Variants in NBAS observed in about 807,000 individuals in gnomAD.
NBAS encodes the protein NAG/BC035112 fusion.
Under a neutral mutation model 302.5 loss-of-function variants are expected in NBAS, and 219 were observed. That is an observed-to-expected ratio of 0.72 (90% CI 0.65 to 0.81). The LOEUF is 0.81. Ranked by LOEUF, NBAS falls within the 30% of genes least tolerant of loss-of-function variation. The pLI is 0.00. For missense variants in NBAS, 2,932 were observed against 2,841.6 expected (o/e 1.03, Z -0.72); for synonymous variants, 1,118 against 1,021.6 (o/e 1.09, Z -1.80).
At chr2:14,988,044 C>T in the NBAS span, among the ~76,000 whole-genome samples, 1 of 152,116 alleles carries the variant, frequency 6.6e-6, no homozygotes, top group Non-Finnish European at 1.5e-5. Context: ...TTTGTCCAGC[C>T]TTGTCTACTA....
chr2:14,972,974 G>A, the NBAS span, among the ~76,000 whole-genome samples: 2 of 152,162 alleles, frequency 1.3e-5, no homozygotes, highest in Non-Finnish European at 2.9e-5. Flanking sequence ...ATGGAGAAAG[G>A]CCACTGTGTC....
At chr2:14,953,450 C>T in the NBAS span, among the ~76,000 whole-genome samples, 1 of 152,344 alleles carries the variant, frequency 6.6e-6, no homozygotes, top group African/African-American at 2.4e-5. Context: ...GTCTCAGCAG[C>T]AGTCTTCACA....
chr2:15,436,922 T>C (rs1395423349), intron 21 of NBAS, among the ~76,000 whole-genome samples: 1 of 152,160 alleles, frequency 6.6e-6, no homozygotes, highest in Non-Finnish European at 1.5e-5. Flanking sequence ...GACAGGAGGA[T>C]GGACAGACTG....
chr2:15,046,760 G>T, the NBAS span, among the ~76,000 whole-genome samples: 1 of 152,146 alleles, frequency 6.6e-6, no homozygotes, highest in Non-Finnish European at 1.5e-5. Context: ...TCTGGAACCT[G>T]GTGAATGGGC....
At chr2:14,907,195 C>A in the NBAS span, among the ~76,000 whole-genome samples, 2 of 152,324 alleles carry the variant, frequency 1.3e-5, no homozygotes, top group East Asian at 3.9e-4. Context: ...TCTAGTTGGG[C>A]CAGCCTCCTG....
chr2:15,486,430 C>T (rs1308250518), intron 12 of NBAS, among the ~76,000 whole-genome samples: 1 of 152,142 alleles, frequency 6.6e-6, no homozygotes, highest in African/African-American at 2.4e-5. Flanking sequence ...GTCAAAAGCT[C>T]TATCTGAGGA....
the NBAS span, among the ~76,000 whole-genome samples, chr2:14,973,113 C>A: frequency 1.3e-5 from 2 of 152,140 alleles, no homozygotes; most frequent in African/African-American, 4.8e-5. Flanking sequence ...TGACTGATCG[C>A]AACATAAAGG....
At chr2:15,483,718 G>A (rs1241021631) in intron 12 of NBAS, among the ~76,000 whole-genome samples, 1 of 152,124 alleles carries the variant, frequency 6.6e-6, no homozygotes. Context: ...AGGTTTTACA[G>A]AGAAAATACT....
chr2:15,467,615 ATTAG>A (rs1460078137), intron 18 of NBAS, 45 bp downstream of exon 18: 17 of 1,547,912 alleles, frequency 1.1e-5, no homozygotes, highest in African/African-American at 8.2e-5. Flanking sequence ...CACTGAAATG[ATTAG>A]TTATTTTAAA....
the NBAS span, among the ~76,000 whole-genome samples, chr2:14,844,801 G>C: frequency 3.3e-5 from 5 of 152,164 alleles, no homozygotes; most frequent in Non-Finnish European, 7.3e-5. Flanking sequence ...GGGGGCCATA[G>C]GATGAGGCTT....
At chr2:15,256,460 G>A (rs1668598193) in intron 44 of NBAS, among the ~76,000 whole-genome samples, 1 of 152,094 alleles carries the variant, frequency 6.6e-6, no homozygotes, top group Admixed American at 6.5e-5. Flanking sequence ...AGTCGTTAGG[G>A]TTTTCAAGGT....
chr2:15,439,495 T>C (rs959656138), intron 21 of NBAS, among the ~76,000 whole-genome samples: 3 of 149,734 alleles, frequency 2.0e-5, no homozygotes, highest in Admixed American at 2.0e-4. Context: ...AAAAAAAAAA[T>C]CTTGAGGGGA....
rs771850798 is a variant in NBAS at position 15,276,981 on chromosome 2, G to C, written c.5259C>G (p.Gly1753=). ...MVKYIYPTIG[G]FDHERLQYYF... ...AATACTGCAGCCTTTCGTGATCAAA[G>C]CCACCAATAGTAGGGTAAATATACT... The change falls in exon 43 of 52, where the codon GGC becomes GGG. Residue 1753 remains glycine (G), a synonymous_variant. Coordinates refer to ENST00000281513, the MANE Select transcript of NBAS (RefSeq NM_015909.4). 1 of 1,613,998 alleles carries C rather than the reference G, an allele frequency of 6.2e-7. No homozygotes were observed. The highest frequency in any genetic ancestry group is 1.1e-5 in the South Asian group (1 of 91,074).
At chr2:15,194,621 A>G (rs1370403686) in intron 48 of NBAS, among the ~76,000 whole-genome samples, 1 of 152,220 alleles carries the variant, frequency 6.6e-6, no homozygotes, top group Non-Finnish European at 1.5e-5. Flanking sequence ...AAGAACAAAA[A>G]GAGCAAAAAT....
intron 12 of NBAS, among the ~76,000 whole-genome samples, chr2:15,481,539 A>T (rs1370405192): frequency 6.6e-6 from 1 of 152,188 alleles, no homozygotes; most frequent in African/African-American, 2.4e-5. Context: ...CATTTCAAGA[A>T]GCAACCTCCA....
chr2:15,008,837 T>C, the NBAS span, among the ~76,000 whole-genome samples: 1 of 152,226 alleles, frequency 6.6e-6, no homozygotes, highest in Admixed American at 6.5e-5. Flanking sequence ...TAAAAACACT[T>C]ATATGGGTCT....
rs114318260 is a variant in NBAS at position 15,436,618 on chromosome 2, C to A, written c.2340-8824G>T. ...GAAAGGTAGCACGATTCACAGCATG[C>A]ATATTTATAATGTTGTCTTTAACTG... On this transcript the variant is annotated intron_variant, in intron 21 of 51. Transcript: ENST00000281513. 6.7e-3 allele frequency among the ~76,000 whole-genome samples: 1,015 copies of A among 152,290 alleles called. 11 individuals are homozygous for A. The highest frequency in any genetic ancestry group is 0.022 in the African/African-American group (925 of 41,548).
At chr2:14,785,825 G>T in the NBAS span, among the ~76,000 whole-genome samples, 1 of 152,274 alleles carries the variant, frequency 6.6e-6, no homozygotes, top group East Asian at 1.9e-4. Context: ...TCAGGATGAT[G>T]CTGGCCTCAT....
At chr2:15,249,202 A>C (rs1371708482) in intron 44 of NBAS, among the ~76,000 whole-genome samples, 1 of 151,574 alleles carries the variant, frequency 6.6e-6, no homozygotes, top group Non-Finnish European at 1.5e-5. Flanking sequence ...AAACAGAACC[A>C]ATGAAAAAAA....
Sources: gnomAD v4.1 joint callset for allele counts (sites outside exome capture counted in the v4.1 genomes callset) on GRCh38, gnomAD v4.1.1 for gene constraint, MANE v1.5 for transcripts, NCBI Gene and HGNC (gene_info 2026-07-23, HGNC 2026-07-21) for gene names.